RPSA: variants seen among roughly 807,000 people sequenced by gnomAD.
The protein encoded by RPSA is ribosomal protein SA, also known as small ribosomal subunit protein uS2.
For synonymous variants in RPSA, 103 were observed against 126.7 expected, an observed-to-expected ratio of 0.81 and a Z score of 1.25; for missense variants, 140 against 372.8, an observed-to-expected ratio of 0.38 and a Z score of 5.14.
intron 3 of RPSA, among the ~76,000 whole-genome samples, chr3:39,409,452 C>T (rs966148849): frequency 3.9e-5 from 6 of 152,170 alleles, no homozygotes; most frequent in Admixed American, 2.0e-4. Flanking sequence ...CCTCCCACCT[C>T]GGCCTCCCAA....
intron 4 of RPSA, 95 bp downstream of exon 4, chr3:39,411,094 G>A (rs917300180): frequency 6.7e-7 from 1 of 1,487,028 alleles, no homozygotes; most frequent in Middle Eastern, 1.7e-4. Flanking sequence ...CTACTGACTG[G>A]CCGATGAACT....
At position 39,411,007 on chromosome 3, in the gene RPSA, T is replaced by A. The variant is rs754699583; in HGVS notation, c.498+8T>A. 1.6e-5 allele frequency: 25 copies of A among 1,599,488 alleles called. 1 individual carries two copies. In the Admixed American group the frequency reaches 4.2e-4, roughly 27 times the overall value. On this transcript the variant is annotated splice_region_variant and intron_variant, in intron 4 of 6. Coordinates refer to ENST00000301821, the MANE Select transcript of RPSA (RefSeq NM_002295.6). The stretch of plus-strand genomic sequence containing the variant: ...ATCCCATGCAACAACAAGGTAATGA[T>A]TTTAGGATCTAGAGTTTGTGAATGC...
At chr3:39,411,451 G>A (rs2042004315) in intron 4 of RPSA, 198 bp from the exon 5 acceptor site, 4 of 610,938 alleles carry the variant, frequency 6.5e-6, no homozygotes, top group African/African-American at 1.9e-5. Context: ...CAGTGTCCAG[G>A]CATTTTTTTT....
chr3:39,411,240 T>C (rs767079607), intron 4 of RPSA: 2 of 725,170 alleles, frequency 2.8e-6, no homozygotes, highest in Non-Finnish European at 5.1e-6. Context: ...TGTGGAGAAA[T>C]GAAAACATTT....
At chr3:39,409,628 T>A (rs2041976601) in intron 3 of RPSA, among the ~76,000 whole-genome samples, 2 of 152,206 alleles carry the variant, frequency 1.3e-5, no homozygotes, top group South Asian at 4.1e-4. Context: ...CATTTTCCCA[T>A]AGTCAAAGTT....
chr3:39,409,207 T>TTTTC (rs2041968456), intron 3 of RPSA, among the ~76,000 whole-genome samples: 2 of 116,244 alleles, frequency 1.7e-5, no homozygotes, highest in African/African-American at 5.6e-5. Context: ...TTTTTTTTTT[T>TTTTC]CCTTCAAGAC....
At position 39,407,793 on chromosome 3, in the gene RPSA, C is replaced by T; in HGVS notation, c.133+7C>T. 9.4e-6 allele frequency: 15 copies of T among 1,597,426 alleles called. No homozygotes were observed. Among genetic ancestry groups the T allele is most frequent in the Non-Finnish European group, 1.3e-5 (15 of 1,179,036 alleles). Reference sequence around the variant, plus strand: ...TATAAAAGGAAAAGTGATGGTTAGTCATTGCTTTAATTTTTTGTTACTCCA... The same window carrying T: ...TATAAAAGGAAAAGTGATGGTTAGTTATTGCTTTAATTTTTTGTTACTCCA... On this transcript the variant is annotated splice_region_variant and intron_variant, in intron 2 of 6. Coordinates refer to ENST00000301821, the MANE Select transcript of RPSA (RefSeq NM_002295.6).
chr3:39,410,855 G>A lies in RPSA; in HGVS notation c.354G>A (p.Glu118=), dbSNP rs756583510. The A allele has an allele frequency of 3.7e-6, 6 of 1,601,540 alleles. No individual in the cohort carries two copies. Among genetic ancestry groups the A allele is most frequent in the Non-Finnish European group, 5.1e-6 (6 of 1,178,592 alleles). The change falls in exon 4 of 7, where the codon GAG becomes GAA. Residue 118 remains glutamate (E), a synonymous_variant. Transcript: ENST00000301821. ...ACCAGATCCAGGCAGCCTTCCGGGA[G>A]CCACGGCTTCTTGTGGTTACTGACC... The part of the protein sequence containing the change: ...FTNQIQAAFR[E]PRLLVVTDPR...
rs751785647 is a variant in RPSA at position 39,408,777 on chromosome 3, T to C, written c.252+53T>C. ...ATTATAGAAATAAAGCTTACAGACA[T>C]TGTGAGACATAGAAAGACATAAGAA... On this transcript the variant is annotated intron_variant, in intron 3 of 6. Transcript: ENST00000301821. 33 of 1,022,262 alleles carry C rather than the reference T, an allele frequency of 3.2e-5. No individual in the cohort carries two copies. The Admixed American group carries it at 4.7e-4, about 15-fold the overall frequency. The allele number at this position is 1,022,262 out of a possible 1,614,324, so 63.3% of individuals were successfully genotyped here.
Position 39,410,844 on chromosome 3 carries a change from G to C in RPSA, c.343G>C (p.Ala115Pro), listed in dbSNP as rs17854661. Residue 115 changes from alanine to proline, a missense_variant, in exon 4 of 7, where the codon GCC (alanine) becomes CCC (proline). Coordinates refer to ENST00000301821, the MANE Select transcript of RPSA (RefSeq NM_002295.6). The stretch of plus-strand genomic sequence containing the variant: ...AACCTTCACTAACCAGATCCAGGCA[G>C]CCTTCCGGGAGCCACGGCTTCTTGT... ...PGTFTNQIQA[A>P]FREPRLLVVT... 1 of 1,603,996 alleles carries C rather than the reference G, an allele frequency of 6.2e-7. No individual in the cohort carries two copies. Among genetic ancestry groups the C allele is most frequent in the African/African-American group, 1.3e-5 (1 of 74,890 alleles).
At chr3:39,408,787 TAGAA>T (rs763603810) in intron 3 of RPSA, 63 bp downstream of exon 3, 221 of 954,270 alleles carry the variant, frequency 2.3e-4, no homozygotes, top group African/African-American at 7.5e-4. Context: ...TTGTGAGACA[TAGAA>T]AGACATAAGA....
intron 3 of RPSA, among the ~76,000 whole-genome samples, chr3:39,409,465 T>C (rs1288798578): frequency 1.3e-5 from 2 of 152,194 alleles, no homozygotes; most frequent in African/African-American, 4.8e-5. Context: ...CCTCCCAAAG[T>C]GTTGGGATTA....
chr3:39,406,929 G>C (rs571492963), intron 1 of RPSA, 165 bp downstream of exon 1: 5 of 453,764 alleles, frequency 1.1e-5, no homozygotes, highest in African/African-American at 8.0e-5. Flanking sequence ...GGCCAGGCTC[G>C]GGCTGGCGGG....
chr3:39,408,448 CG>C lies in RPSA; in HGVS notation c.134-156del, dbSNP rs750563864. The C allele has an allele frequency of 2.4e-4, 185 of 773,556 alleles. 1 individual carries two copies. The highest frequency in any genetic ancestry group is 4.1e-5 in the Non-Finnish European group (17 of 414,690). The allele number at this position is 773,556 out of a possible 1,614,324, so 47.9% of individuals were successfully genotyped here. A position where few individuals can be genotyped will look rare whatever the true frequency, so the allele number is the denominator to read the frequency against. On this transcript the variant is annotated intron_variant, in intron 2 of 6. Coordinates refer to ENST00000301821, the MANE Select transcript of RPSA (RefSeq NM_002295.6). ...TCTTGGCTCATGAACTTCTGAGTGT[CG>C]GAAGTGTGCTATATCAATGGCAGGA...
chr3:39,410,038 T>A (rs960241271), intron 3 of RPSA, among the ~76,000 whole-genome samples: 1 of 152,110 alleles, frequency 6.6e-6, no homozygotes, highest in East Asian at 1.9e-4. Flanking sequence ...GTGGGAAGAT[T>A]GCTAGAACAC....
chr3:39,407,854 G>C lies in RPSA; in HGVS notation c.133+68G>C, dbSNP rs2041941698. ...CAAATTTTGAGCTTGCTATTCTCGT[G>C]GTTAGTTCTGGGTAATTTCTTTCTA... On this transcript the variant is annotated intron_variant, in intron 2 of 6. Transcript: ENST00000301821. The C allele has an allele frequency of 3.1e-6, 4 of 1,291,224 alleles. No homozygotes were observed. In the South Asian group the frequency reaches 4.9e-5, roughly 16 times the overall value. The allele number at this position is 1,291,224 out of a possible 1,614,324, so 80.0% of individuals were successfully genotyped here.
At chr3:39,411,447 C>T (rs2125595736) in intron 4 of RPSA, 2 of 605,610 alleles carry the variant, frequency 3.3e-6, no homozygotes, top group South Asian at 2.0e-5. Context: ...ATGCCAGTGT[C>T]CAGGCATTTT....
intron 2 of RPSA, 87 bp downstream of exon 2, chr3:39,407,873 C>T: frequency 2.0e-6 from 2 of 1,019,942 alleles, no homozygotes; most frequent in Non-Finnish European, 2.9e-6. Context: ...TGGGTAATTT[C>T]TTTCTATCTT....
chr3:39,409,224 T>A, intron 3 of RPSA, among the ~76,000 whole-genome samples: 1 of 99,140 alleles, frequency 1.0e-5, no homozygotes. Flanking sequence ...AGACAGTCTC[T>A]CGCTCTGTTG....
Sources: allele counts gnomAD v4.1 joint callset (sites outside exome capture counted in the v4.1 genomes callset), GRCh38; gene constraint gnomAD v4.1.1; transcripts MANE v1.5; gene names NCBI Gene and HGNC (gene_info 2026-07-23, HGNC 2026-07-21).